The following FBXO16 variants were observed in gnomAD, a reference collection of about 807,000 sequenced individuals.
FBXO16 encodes F-box only protein 16.
A neutral mutation model predicts 41.0 loss-of-function variants in FBXO16; 31 were observed. That is an observed-to-expected ratio of 0.76 (90% CI 0.57 to 1.02). The LOEUF (loss-of-function observed/expected upper bound fraction) is 1.02. Ranked by LOEUF, FBXO16 falls within the 50% of genes least tolerant of loss-of-function variation. The pLI is 0.00. For synonymous variants in FBXO16, 133 were observed against 117.8 expected, an observed-to-expected ratio of 1.13 and a Z score of -0.84; for missense variants, 361 against 346.2, an observed-to-expected ratio of 1.04 and a Z score of -0.34.
At chr8:28,480,875 C>T (rs1803499734) in intron 2 of FBXO16, among the ~76,000 whole-genome samples, 1 of 152,186 alleles carries the variant, frequency 6.6e-6, no homozygotes, top group Non-Finnish European at 1.5e-5. Flanking sequence ...GACGGAATCT[C>T]AACTCTTCAT....
chr8:28,442,463 A>G (rs1802796147), intron 7 of FBXO16, among the ~76,000 whole-genome samples: 1 of 152,108 alleles, frequency 6.6e-6, no homozygotes, highest in African/African-American at 2.4e-5. Context: ...AAGCCACTGT[A>G]ACCTCTGCTT....
chr8:28,464,837 A>G (rs1292299366), intron 3 of FBXO16, among the ~76,000 whole-genome samples: 1 of 152,106 alleles, frequency 6.6e-6, no homozygotes, highest in Non-Finnish European at 1.5e-5. Context: ...TATTTTTAGT[A>G]GAGACAGGGT....
intron 3 of FBXO16, among the ~76,000 whole-genome samples, chr8:28,468,108 C>T (rs1050411125): frequency 3.3e-5 from 5 of 152,278 alleles, no homozygotes; most frequent in South Asian, 2.1e-4. Flanking sequence ...TTATCCCCCA[C>T]GTCTCTTGCG....
chr8:28,466,833 C>T (rs1803251480), intron 3 of FBXO16, among the ~76,000 whole-genome samples: 1 of 152,148 alleles, frequency 6.6e-6, no homozygotes, highest in Admixed American at 6.6e-5. Context: ...TGTGGGAGAG[C>T]TGGGGAGTGA....
At chr8:28,430,307 G>A (rs190557314) in intron 7 of FBXO16, among the ~76,000 whole-genome samples, 4 of 152,172 alleles carry the variant, frequency 2.6e-5, no homozygotes, top group East Asian at 3.9e-4. Context: ...CTGAACTCCC[G>A]AGCTCAAGCA....
In FBXO16 at chr8:28,428,492, A is replaced by G; in HGVS notation, c.*235T>C. On this transcript the variant is annotated 3_prime_UTR_variant, in exon 9 of 9. Transcript: ENST00000380254. ...TTAAGCTGAAAGAGTTTCTAATGGGAGCCAAGTAAATTCAGCTCTCCACTG... is the reference window on the plus strand; with the variant it reads ...TTAAGCTGAAAGAGTTTCTAATGGGGGCCAAGTAAATTCAGCTCTCCACTG... 1 of 1,424,022 alleles carries G rather than the reference A, an allele frequency of 7.0e-7. No individual in the cohort carries two copies. Among genetic ancestry groups the G allele is most frequent in the Non-Finnish European group, 9.3e-7 (1 of 1,073,292 alleles). The allele number at this position is 1,424,022 out of a possible 1,614,324, so 88.2% of individuals were successfully genotyped here.
At chr8:28,487,201 C>G (rs1803615834) in intron 1 of FBXO16, among the ~76,000 whole-genome samples, 1 of 152,006 alleles carries the variant, frequency 6.6e-6, no homozygotes, top group African/African-American at 2.4e-5. Context: ...ATGGGCCTGG[C>G]CCCAGGAAGC....
At chr8:28,463,848 A>G in intron 3 of FBXO16, 30 bp from the exon 4 acceptor site, 1 of 1,605,840 alleles carries the variant, frequency 6.2e-7, no homozygotes, top group Non-Finnish European at 8.5e-7. Flanking sequence ...CAAAATGTAA[A>G]AAGCTCCAGG....
intron 7 of FBXO16, among the ~76,000 whole-genome samples, chr8:28,443,853 T>G (rs1186794407): frequency 1.3e-5 from 2 of 152,208 alleles, no homozygotes; most frequent in Non-Finnish European, 2.9e-5. Context: ...ATTACTGCCA[T>G]GACAGTTTAC....
chr8:28,477,008 G>A (rs1480217230), intron 2 of FBXO16, among the ~76,000 whole-genome samples: 1 of 152,060 alleles, frequency 6.6e-6, no homozygotes, highest in Non-Finnish European at 1.5e-5. Flanking sequence ...AACACTAGTT[G>A]GCAAAGAAAT....
chr8:28,452,892 G>C (rs1188927788), intron 5 of FBXO16, among the ~76,000 whole-genome samples: 3 of 150,662 alleles, frequency 2.0e-5, no homozygotes, highest in African/African-American at 7.3e-5. Context: ...ATTGATGTGA[G>C]TTGGCTGAAG....
At chr8:28,457,013 G>A in intron 4 of FBXO16, 83 bp from the exon 5 acceptor site, 1 of 1,470,884 alleles carries the variant, frequency 6.8e-7, no homozygotes. Flanking sequence ...GTTTTGAGCT[G>A]TCATCCTGGA....
chr8:28,445,086 C>T (rs1312765890), intron 7 of FBXO16, among the ~76,000 whole-genome samples: 3 of 152,118 alleles, frequency 2.0e-5, no homozygotes, highest in East Asian at 1.9e-4. Context: ...GTCAAAATAT[C>T]GCAGCATACT....
chr8:28,456,517 GAAA>G (rs1803040865), intron 5 of FBXO16: 2 of 385,736 alleles, frequency 5.2e-6, no homozygotes, highest in Non-Finnish European at 9.4e-6. Flanking sequence ...CCTAGACAGA[GAAA>G]GAAGTTCCAT....
chr8:28,469,646 G>A (rs1233584761), intron 3 of FBXO16, among the ~76,000 whole-genome samples: 1 of 152,184 alleles, frequency 6.6e-6, no homozygotes, highest in Non-Finnish European at 1.5e-5. Context: ...GCTCACGCCT[G>A]TAATACTAGC....
chr8:28,474,099 A>C (rs548819937), intron 2 of FBXO16, among the ~76,000 whole-genome samples: 1 of 152,098 alleles, frequency 6.6e-6, no homozygotes, highest in South Asian at 2.1e-4. Context: ...CAAGGCAGGC[A>C]GATCATTTGA....
intron 1 of FBXO16, among the ~76,000 whole-genome samples, chr8:28,485,019 A>C (rs1325917843): frequency 1.3e-5 from 2 of 151,936 alleles, no homozygotes; most frequent in African/African-American, 4.8e-5. Flanking sequence ...GATTGGGAGT[A>C]GTTTTGATAT....
In FBXO16 at chr8:28,473,731, T is replaced by C. The variant is rs748189772; in HGVS notation, c.135+41A>G. The C allele has an allele frequency of 2.6e-6, 4 of 1,541,588 alleles. No individual in the cohort carries two copies. The East Asian group carries it at 9.0e-5, about 35-fold the overall frequency. ...TAGCAGCCTGAAAGATGAAAACAGA[T>C]AACATAACATAATGCAAAAATAGTA... is the stretch of plus-strand genomic sequence containing the variant. On this transcript the variant is annotated intron_variant, in intron 3 of 8. Coordinates refer to ENST00000380254, the MANE Select transcript of FBXO16 (RefSeq NM_172366.4).
chr8:28,446,510 C>T (rs942389799), intron 7 of FBXO16, among the ~76,000 whole-genome samples: 2 of 151,620 alleles, frequency 1.3e-5, no homozygotes, highest in Non-Finnish European at 2.9e-5. Flanking sequence ...CACTTACAGA[C>T]AGCAATTTCT....
Sources: allele counts gnomAD v4.1 joint callset (sites outside exome capture counted in the v4.1 genomes callset), GRCh38; gene constraint gnomAD v4.1.1; transcripts MANE v1.5; gene names NCBI Gene and HGNC (gene_info 2026-07-23, HGNC 2026-07-21).